The following PDE7A variants were observed in gnomAD, a reference collection of about 807,000 sequenced individuals.
The protein encoded by PDE7A is high affinity 3',5'-cyclic-AMP phosphodiesterase 7A.
A neutral mutation model predicts 64.3 loss-of-function variants in PDE7A; 39 were observed. The observed-to-expected ratio is 0.61, with a 90% CI of 0.47 to 0.79. The LOEUF (loss-of-function observed/expected upper bound fraction) is 0.79. Among genes scored for constraint, PDE7A ranks in the 30% least tolerant of loss-of-function variants. PDE7A has a pLI of 0.00. For synonymous variants in PDE7A, 203 were observed against 206.8 expected (o/e 0.98, Z 0.16); for missense variants, 470 against 582.8 (o/e 0.81, Z 1.99).
At chr8:65,741,092 T>C (rs376414487) in intron 5 of PDE7A, among the ~76,000 whole-genome samples, 39 of 152,228 alleles carry the variant, frequency 2.6e-4, no homozygotes, top group African/African-American at 8.7e-4. Flanking sequence ...ATGGTGTAAC[T>C]CTCCATTTTT....
At chr8:65,729,726 C>CTT (rs34749293) in intron 7 of PDE7A, among the ~76,000 whole-genome samples, 73 of 140,740 alleles carry the variant, frequency 5.2e-4, no homozygotes, top group South Asian at 1.1e-3. Context: ...CCATGCCTGA[C>CTT]TTTTTTTTTT....
chr8:65,725,054 T>C, intron 9 of PDE7A, 133 bp from the exon 10 acceptor site: 1 of 483,818 alleles, frequency 2.1e-6, no homozygotes, highest in Non-Finnish European at 3.4e-6. Flanking sequence ...ATTTAAAATT[T>C]ATCACACAAA....
chr8:65,798,206 A>ATATATATATATATATTTT, intron 1 of PDE7A, among the ~76,000 whole-genome samples: 59 of 73,778 alleles, frequency 8.0e-4, no homozygotes, highest in African/African-American at 2.7e-3. Flanking sequence ...ATATATATAT[A>ATATATATATATATATTTT]TTTTTTTTTT....
intron 1 of PDE7A, among the ~76,000 whole-genome samples, chr8:65,787,347 G>A (rs926453632): frequency 6.6e-6 from 1 of 152,122 alleles, no homozygotes; most frequent in South Asian, 2.1e-4. Flanking sequence ...GCTTAAACAC[G>A]GGAGCACTGA....
intron 3 of PDE7A, among the ~76,000 whole-genome samples, chr8:65,759,257 A>G (rs1808379973): frequency 6.6e-6 from 1 of 152,166 alleles, no homozygotes; most frequent in African/African-American, 2.4e-5. Context: ...TCTGGCTCCA[A>G]AATGGGGGTG....
At position 65,841,520 on chromosome 8, in the gene PDE7A, GC is replaced by G. The variant is rs763599874; in HGVS notation, c.-13del. 9 of 1,470,602 alleles carry G rather than the reference GC, an allele frequency of 6.1e-6. No individual in the cohort carries two copies. The highest frequency in any genetic ancestry group is 8.1e-6 in the Non-Finnish European group (9 of 1,115,954). The allele number at this position is 1,470,602 out of a possible 1,614,324, so 91.1% of individuals were successfully genotyped here. A position where few individuals can be genotyped will look rare whatever the true frequency, so the allele number is the denominator to read the frequency against. ...TAACACACTTCCATTGAATACGCCCGCCCTGCCTCCGCGCGGCGCCCGCCCT... is the reference window on the plus strand; with the variant it reads ...TAACACACTTCCATTGAATACGCCCGCCTGCCTCCGCGCGGCGCCCGCCCT... On this transcript the variant is annotated 5_prime_UTR_variant, in exon 1 of 13. Transcript: ENST00000401827.
At chr8:65,735,786 C>T (rs181055487) in intron 6 of PDE7A, among the ~76,000 whole-genome samples, 5 of 152,148 alleles carry the variant, frequency 3.3e-5, no homozygotes, top group African/African-American at 4.8e-5. Context: ...CCATCATGCT[C>T]GGCTAATTTT....
chr8:65,839,602 G>A (rs1307920741), intron 1 of PDE7A, among the ~76,000 whole-genome samples: 1 of 152,178 alleles, frequency 6.6e-6, no homozygotes, highest in Non-Finnish European at 1.5e-5. Context: ...AGAAGTTCCT[G>A]TATACTTCAC....
intron 3 of PDE7A, among the ~76,000 whole-genome samples, chr8:65,759,802 T>A (rs1174675784): frequency 6.6e-6 from 1 of 152,120 alleles, no homozygotes; most frequent in Non-Finnish European, 1.5e-5. Flanking sequence ...AAAGGTTGCA[T>A]GTGAGAGCTT....
chr8:65,738,361 G>T (rs1253504286), intron 6 of PDE7A, among the ~76,000 whole-genome samples: 3 of 152,144 alleles, frequency 2.0e-5, no homozygotes, highest in Admixed American at 6.5e-5. Flanking sequence ...CCCAAAATAT[G>T]CTGCTTTGGA....
At chr8:65,788,786 CT>C in intron 1 of PDE7A, 1 of 775,538 alleles carries the variant, frequency 1.3e-6, no homozygotes. Flanking sequence ...AGAATAAAAA[CT>C]GAGGCAAAAG....
At position 65,826,325 on chromosome 8, in the gene PDE7A, C is replaced by T. The variant is rs183767111; in HGVS notation, c.138+15046G>A. Among the ~76,000 whole-genome samples the T allele has an allele frequency of 5.9e-5, 9 of 152,290 alleles. No individual in the cohort carries two copies. The East Asian group carries it at 1.7e-3, about 29-fold the overall frequency. On this transcript the variant is annotated intron_variant, in intron 1 of 12. Coordinates refer to ENST00000401827, the MANE Select transcript of PDE7A (RefSeq NM_001242318.3). Reference sequence around the variant, plus strand: ...TTCTAGTGACAGGAGGCTATTGCAGCCGGCTAAATATGCTTTGAACTAGGT... The same window carrying T: ...TTCTAGTGACAGGAGGCTATTGCAGTCGGCTAAATATGCTTTGAACTAGGT...
At chr8:65,731,334 C>A (rs554379620) in intron 7 of PDE7A, among the ~76,000 whole-genome samples, 13 of 152,144 alleles carry the variant, frequency 8.5e-5, no homozygotes, top group Admixed American at 2.6e-4. Context: ...CAGGGCCAGG[C>A]TCTTTTGTCA....
At chr8:65,839,701 A>G (rs1811031644) in intron 1 of PDE7A, among the ~76,000 whole-genome samples, 3 of 152,210 alleles carry the variant, frequency 2.0e-5, no homozygotes, top group South Asian at 2.1e-4. Context: ...CCACAATCAT[A>G]TTTTTAAAAT....
At chr8:65,753,780 T>C (rs1585874275) in intron 3 of PDE7A, among the ~76,000 whole-genome samples, 1 of 152,216 alleles carries the variant, frequency 6.6e-6, no homozygotes, top group Non-Finnish European at 1.5e-5. Context: ...TTTTGCTTCA[T>C]ATATTGTGGA....
intron 3 of PDE7A, among the ~76,000 whole-genome samples, chr8:65,757,062 A>G (rs1318549770): frequency 6.6e-6 from 1 of 152,154 alleles, no homozygotes; most frequent in Non-Finnish European, 1.5e-5. Flanking sequence ...GGCTCCCTGA[A>G]TGCGGTCCTC....
intron 12 of PDE7A, chr8:65,722,109 G>A (rs751150550): frequency 6.6e-6 from 1 of 152,182 alleles, no homozygotes; most frequent in Non-Finnish European, 1.5e-5. Flanking sequence ...CATTTCTAAT[G>A]TATTCTTTTG....
intron 1 of PDE7A, among the ~76,000 whole-genome samples, chr8:65,814,084 T>C (rs895293602): frequency 1.3e-5 from 2 of 152,198 alleles, no homozygotes; most frequent in Non-Finnish European, 2.9e-5. Context: ...TCTGAAGACC[T>C]TGGCTTACAT....
intron 9 of PDE7A, among the ~76,000 whole-genome samples, chr8:65,725,921 C>T (rs1472232195): frequency 6.6e-6 from 1 of 152,046 alleles, no homozygotes; most frequent in Non-Finnish European, 1.5e-5. Context: ...ATTTGTACTA[C>T]AGCAAAAAAT....
Sources: allele counts gnomAD v4.1 joint callset (sites outside exome capture counted in the v4.1 genomes callset), GRCh38; gene constraint gnomAD v4.1.1; transcripts MANE v1.5; gene names NCBI Gene and HGNC (gene_info 2026-07-23, HGNC 2026-07-21).